The following SMARCA5 variants were observed in gnomAD, a reference collection of about 807,000 sequenced individuals.
SMARCA5 encodes SWI/SNF-related matrix-associated actin-dependent regulator of chromatin subfamily A member 5.
In SMARCA5, 18 loss-of-function variants were observed where a neutral mutation model predicts 140.4. The ratio of observed to expected loss-of-function variants is 0.13; its 90% CI spans 0.09 to 0.19. SMARCA5 has a LOEUF of 0.19. Among genes scored for constraint, SMARCA5 ranks in the 10% least tolerant of loss-of-function variants. The pLI is 1.00. For synonymous variants in SMARCA5, 449 were observed against 419.6 expected (o/e 1.07, Z -0.86); for missense variants, 606 against 1,276.8 (o/e 0.47, Z 8.01).
Position 143,555,975 on chromosome 4 carries a change from C to A in SMARCA5, c.*2791C>A, listed in dbSNP as rs1465344760. On this transcript the variant is annotated 3_prime_UTR_variant, in exon 24 of 24. Transcript: ENST00000283131. ...TCATAGTTGTGAGCCTACACCACAC[C>A]TGGCCTACATTTTGTTTTTCATAAA... is the stretch of plus-strand genomic sequence containing the variant. 1 of 152,224 alleles carries A rather than the reference C, an allele frequency of 6.6e-6. No homozygotes were observed. The highest frequency in any genetic ancestry group is 1.9e-4 in the East Asian group (1 of 5,204). 9.4% of individuals were successfully genotyped at this position (152,224 alleles called of 1,614,324 possible).
At chr4:143,545,708 G>A (rs1737511385) in intron 18 of SMARCA5, 125 bp downstream of exon 18, 1 of 777,608 alleles carries the variant, frequency 1.3e-6, no homozygotes, top group Non-Finnish European at 2.1e-6. Context: ...GCCTAGTCTA[G>A]TTGTATGTAT....
intron 9 of SMARCA5, among the ~76,000 whole-genome samples, chr4:143,534,044 GT>G (rs1351070613): frequency 6.6e-6 from 1 of 151,964 alleles, no homozygotes. Flanking sequence ...AATAAACACC[GT>G]TTTCCCAACG....
rs772007388 is a variant in SMARCA5 at position 143,528,756 on chromosome 4, G to T, written c.1089+42G>T. Reference sequence around the variant, plus strand: ...GCTTTCTGGTTAATAATAATATTTTGCTTAATGCTATATATTTTTGTAATA... The same window carrying T: ...GCTTTCTGGTTAATAATAATATTTTTCTTAATGCTATATATTTTTGTAATA... On this transcript the variant is annotated intron_variant, in intron 8 of 23. Coordinates refer to ENST00000283131, the MANE Select transcript of SMARCA5 (RefSeq NM_003601.4). 9 of 1,577,866 alleles carry T rather than the reference G, an allele frequency of 5.7e-6. No individual in the cohort carries two copies. In the South Asian group the frequency reaches 5.8e-5, roughly 10 times the overall value.
chr4:143,540,550 G>C (rs1737407446), intron 14 of SMARCA5, 55 bp downstream of exon 14: 1 of 1,536,822 alleles, frequency 6.5e-7, no homozygotes, highest in Non-Finnish European at 8.8e-7. Context: ...ACCTGTTTTT[G>C]TTTGAAAATC....
intron 9 of SMARCA5, 31 bp from the exon 10 acceptor site, chr4:143,534,824 G>T: frequency 6.8e-7 from 1 of 1,462,418 alleles, no homozygotes. Flanking sequence ...TGTAATATTG[G>T]TATTACCTGT....
Position 143,513,945 on chromosome 4 carries a change from T to G in SMARCA5, c.21T>G (p.Pro7=), listed in dbSNP as rs767032954. The stretch of plus-strand genomic sequence containing the variant: ...ACATCATGTCGTCCGCGGCCGAGCC[T>G]CCGCCACCCCCGCCTCCCGAGAGCG... MSSAAE[P]PPPPPPESAP... Residue 7 remains proline (P), a synonymous_variant, in exon 1 of 24, where the codon CCT becomes CCG. Transcript: ENST00000283131. The G allele has an allele frequency of 6.5e-7, 1 of 1,547,744 alleles. No individual in the cohort carries two copies. The highest frequency in any genetic ancestry group is 2.4e-5 in the East Asian group (1 of 41,430).
rs752306883 is a variant in SMARCA5, at chr4:143,544,730, G to A, written c.2173-7G>A. ...GTTGGTGATTTGAGTTGTTTCCCAT[G>A]TGCTAGATTGCATTCACAGAGTGGA... is the stretch of plus-strand genomic sequence containing the variant. On this transcript the variant is annotated splice_region_variant and splice_polypyrimidine_tract_variant and intron_variant, in intron 16 of 23. Transcript: ENST00000283131. The A allele has an allele frequency of 2.5e-5, 39 of 1,533,404 alleles. No individual in the cohort carries two copies. The East Asian group carries it at 8.3e-4, about 33-fold the overall frequency. The allele number at this position is 1,533,404 out of a possible 1,614,324, so 95.0% of individuals were successfully genotyped here.
At chr4:143,531,737 G>T (rs1737189598) in intron 9 of SMARCA5, among the ~76,000 whole-genome samples, 1 of 152,162 alleles carries the variant, frequency 6.6e-6, no homozygotes, top group East Asian at 1.9e-4. Flanking sequence ...GCTTTAATTT[G>T]ATAGATTGCT....
chr4:143,514,223 A>C, intron 1 of SMARCA5, 122 bp downstream of exon 1: 1 of 882,022 alleles, frequency 1.1e-6, no homozygotes, highest in Non-Finnish European at 1.7e-6. Context: ...TCAGCTTCAC[A>C]CCCTGTGGAT....
intron 16 of SMARCA5, among the ~76,000 whole-genome samples, 170 bp from the exon 17 acceptor site, chr4:143,544,567 C>T (rs1377070397): frequency 1.3e-5 from 2 of 152,158 alleles, no homozygotes; most frequent in Non-Finnish European, 2.9e-5. Flanking sequence ...GACACTGTCT[C>T]GTGTTAATTA....
Position 143,548,048 on chromosome 4 carries a change from G to T in SMARCA5, c.2893G>T (p.Asp965Tyr). ...TTGTATGCTTCACAAACTTGGATTTGACAAAGAAAATGTTTATGATGAATT... is the reference window on the plus strand; with the variant it reads ...TTGTATGCTTCACAAACTTGGATTTTACAAAGAAAATGTTTATGATGAATT... Reference protein sequence around the residue: ...LICMLHKLGFDKENVYDELRQ... With the variant: ...LICMLHKLGFYKENVYDELRQ... The change falls in exon 22 of 24, where the codon GAC (aspartate) becomes TAC (tyrosine). Residue 965 changes from aspartate to tyrosine, a missense_variant. By Grantham distance (160) the Asp-to-Tyr change is radical. Transcript: ENST00000283131. The T allele has an allele frequency of 6.2e-7, 1 of 1,612,652 alleles. No homozygotes were observed. Among genetic ancestry groups the T allele is most frequent in the Non-Finnish European group, 8.5e-7 (1 of 1,178,970 alleles).
chr4:143,535,102 C>A (rs750042137), intron 10 of SMARCA5, 138 bp downstream of exon 10: 6 of 600,932 alleles, frequency 1.0e-5, no homozygotes, highest in Non-Finnish European at 1.7e-5. Context: ...TTTCTTGTCA[C>A]GTAGTATAGG....
At chr4:143,517,755 C>T (rs1736870200) in intron 2 of SMARCA5, among the ~76,000 whole-genome samples, 1 of 152,136 alleles carries the variant, frequency 6.6e-6, no homozygotes, top group African/African-American at 2.4e-5. Context: ...TCCTAATCAC[C>T]TCTTATTAGG....
intron 10 of SMARCA5, 129 bp from the exon 11 acceptor site, chr4:143,536,323 C>A: frequency 1.5e-6 from 1 of 654,076 alleles, no homozygotes; most frequent in Non-Finnish European, 2.7e-6. Flanking sequence ...CTAACCATAC[C>A]TAGAAGTTGA....
At chr4:143,539,797 A>T (rs1737392133) in intron 13 of SMARCA5, among the ~76,000 whole-genome samples, 1 of 152,058 alleles carries the variant, frequency 6.6e-6, no homozygotes. Context: ...TTGGCCTCTG[A>T]AAGTGCTGGG....
rs1404502268 is a variant in SMARCA5 at position 143,550,388 on chromosome 4, G to A, written c.3093+284G>A. On this transcript the variant is annotated intron_variant, in intron 23 of 23. Coordinates refer to ENST00000283131, the MANE Select transcript of SMARCA5 (RefSeq NM_003601.4). ...ATACTTTGATACAGGCATGCAATAAGTAATAAGGACATCAGGGTAAATGGG... is the reference window on the plus strand; with the variant it reads ...ATACTTTGATACAGGCATGCAATAAATAATAAGGACATCAGGGTAAATGGG... 2.0e-5 allele frequency among the ~76,000 whole-genome samples: 3 copies of A among 152,056 alleles called. No individual in the cohort carries two copies. The South Asian group carries it at 6.2e-4, about 32-fold the overall frequency.
Position 143,545,992 on chromosome 4 carries a change from A to T in SMARCA5, c.2465A>T (p.Glu822Val). 2 of 1,610,834 alleles carry T rather than the reference A, an allele frequency of 1.2e-6. No individual in the cohort carries two copies. Among genetic ancestry groups the T allele is most frequent in the Non-Finnish European group, 1.7e-6 (2 of 1,177,812 alleles). The part of the protein sequence containing the change: ...AQKEEQLKID[E>V]AESLNDEELE... ...AAAGAAGAACAGCTTAAAATTGATG[A>T]AGCTGAATCCCTTAATGATGAAGAG... The change falls in exon 19 of 24, where the codon GAA (glutamate) becomes GTA (valine). Residue 822 changes from glutamate (E) to valine (V), a missense_variant. Physicochemically the swap from Glu to Val is moderately radical, Grantham distance 121. Coordinates refer to ENST00000283131, the MANE Select transcript of SMARCA5 (RefSeq NM_003601.4).
chr4:143,513,733 A>G lies in SMARCA5; in HGVS notation c.-192A>G, dbSNP rs978631837. ...GGAACCTAGAGCCCCGCGGAAGAGCAGAACGTTTGGGAGTGTGCAGCTCCT... is the reference window on the plus strand; with the variant it reads ...GGAACCTAGAGCCCCGCGGAAGAGCGGAACGTTTGGGAGTGTGCAGCTCCT... On this transcript the variant is annotated 5_prime_UTR_variant, in exon 1 of 24. Coordinates refer to ENST00000283131, the MANE Select transcript of SMARCA5 (RefSeq NM_003601.4). 8.2e-6 allele frequency: 5 copies of G among 607,924 alleles called. No homozygotes were observed. The highest frequency in any genetic ancestry group is 3.1e-5 in the East Asian group (1 of 31,808). 37.7% of individuals were successfully genotyped at this position (607,924 alleles called of 1,614,324 possible). A position where few individuals can be genotyped will look rare whatever the true frequency, so the allele number is the denominator to read the frequency against.
At chr4:143,515,202 A>G (rs1736802615) in intron 1 of SMARCA5, among the ~76,000 whole-genome samples, 1 of 152,152 alleles carries the variant, frequency 6.6e-6, no homozygotes, top group South Asian at 2.1e-4. Context: ...GTAATTTACC[A>G]TTGAGGCTTT....
Sources: gnomAD v4.1 joint callset for allele counts (sites outside exome capture counted in the v4.1 genomes callset) on GRCh38, gnomAD v4.1.1 for gene constraint, MANE v1.5 for transcripts, NCBI Gene and HGNC (gene_info 2026-07-23, HGNC 2026-07-21) for gene names.